ATP5F1B: variants seen among roughly 807,000 people sequenced by gnomAD.
The protein encoded by ATP5F1B is ATP synthase F1 subunit beta, also known as ATP synthase F(1) complex subunit beta, mitochondrial.
A neutral mutation model predicts 45.9 loss-of-function variants in ATP5F1B; 17 were observed. The observed-to-expected ratio is 0.37, with a 90% confidence interval of 0.25 to 0.56. The LOEUF is 0.56. Ranked by LOEUF, ATP5F1B falls within the 20% of genes least tolerant of loss-of-function variation. The probability of loss-of-function intolerance (pLI) is 0.80; values close to 1 mark genes in which losing one functional copy is unlikely to be tolerated. For missense variants in ATP5F1B, 387 were observed against 673.2 expected (o/e 0.57, Z 4.70); for synonymous variants, 218 against 256.5 (o/e 0.85, Z 1.43).
intron 9 of ATP5F1B, among the ~76,000 whole-genome samples, 182 bp downstream of exon 9, chr12:56,638,924 G>T (rs1017647533): frequency 6.6e-6 from 1 of 152,154 alleles, no homozygotes; most frequent in East Asian, 1.9e-4. Context: ...GGGAGCTAGA[G>T]AATCAAGTAA....
chr12:56,640,047 A>G lies in ATP5F1B; in HGVS notation c.1220T>C (p.Ile407Thr). ...ACTGCCAACAATGTTGGGATCCATG[A>G]TACGAGAGGTGGAGTCTAGAGGATC... is the stretch of plus-strand genomic sequence containing the variant. ...AVDPLDSTSRIMDPNIVGSEH... is the reference protein window; with the variant it reads ...AVDPLDSTSRTMDPNIVGSEH... Residue 407 changes from isoleucine to threonine, a missense_variant, in exon 8 of 10, where the codon ATC becomes ACC. This residue lies in a region of ATP5F1B where 154 missense variants were observed against 361.4 expected (regional missense o/e 0.43). Transcript: ENST00000262030. 6.2e-7 allele frequency: 1 copy of G among 1,613,982 alleles called. No homozygotes were observed. Among genetic ancestry groups the G allele is most frequent in the Non-Finnish European group, 8.5e-7 (1 of 1,179,998 alleles).
chr12:56,640,097 A>G lies in ATP5F1B; in HGVS notation c.1170T>C (p.Ala390=). ...DATTVLSRAI[A]ELGIYPAVDP... is the part of the protein sequence containing the mutation. ...CCACAGCTGGATAGATGCCCAGCTC[A>G]GCAATGGCACGCGACAGTACAGTGG... The change falls in exon 8 of 10, where the codon GCT becomes GCC. Residue 390 remains alanine (A), a synonymous_variant. Coordinates refer to ENST00000262030, the MANE Select transcript of ATP5F1B (RefSeq NM_001686.4). The G allele has an allele frequency of 6.2e-7, 1 of 1,614,138 alleles. No individual in the cohort carries two copies. The highest frequency in any genetic ancestry group is 8.5e-7 in the Non-Finnish European group (1 of 1,179,998).
chr12:56,643,786 G>GC, intron 4 of ATP5F1B, 51 bp downstream of exon 4: 1 of 1,609,630 alleles, frequency 6.2e-7, no homozygotes, highest in Non-Finnish European at 8.5e-7. Flanking sequence ...CATTGTATGA[G>GC]TTTTTCCTCC....
Position 56,638,466 on chromosome 12 carries a change from G to A in ATP5F1B, c.1490-43C>T, listed in dbSNP as rs370290566. 3,690 of 1,449,590 alleles carry A rather than the reference G, an allele frequency of 2.5e-3. 6 individuals are homozygous for A. The highest frequency in any genetic ancestry group is 7.1e-3 in the South Asian group (613 of 85,752). 89.8% of individuals were successfully genotyped at this position (1,449,590 alleles called of 1,614,324 possible). ...AAAAAAAAAAGAGTAAGAAGCGGAG[G>A]GATATCAACTTTCTGCATCATGTAA... On this transcript the variant is annotated intron_variant, in intron 9 of 9. Coordinates refer to ENST00000262030, the MANE Select transcript of ATP5F1B (RefSeq NM_001686.4).
At chr12:56,643,736 T>C in intron 4 of ATP5F1B, 101 bp downstream of exon 4, 1 of 1,579,392 alleles carries the variant, frequency 6.3e-7, no homozygotes, top group South Asian at 1.1e-5. Flanking sequence ...AGTCAGAACG[T>C]ACTCATCAGT....
intron 8 of ATP5F1B, 21 bp from the exon 9 acceptor site, chr12:56,639,328 G>T (rs1339366539): frequency 6.3e-7 from 1 of 1,594,610 alleles, no homozygotes; most frequent in Non-Finnish European, 8.6e-7. Flanking sequence ...AAAGAAGACT[G>T]AGTTAAGTAT....
Position 56,642,846 on chromosome 12 carries a change from C to T in ATP5F1B, c.793-15G>A, listed in dbSNP as rs748238894. The T allele has an allele frequency of 2.5e-6, 4 of 1,613,754 alleles. No homozygotes were observed. The highest frequency in any genetic ancestry group is 3.3e-5 in the Admixed American group (2 of 59,952). On this transcript the variant is annotated splice_polypyrimidine_tract_variant and intron_variant, in intron 5 of 9. Coordinates refer to ENST00000262030, the MANE Select transcript of ATP5F1B (RefSeq NM_001686.4). ...ACCAGCGCTACCTGCAGTAATCATA[C>T]ATAATCGTAAAACCTGACAAAGGAG...
At chr12:56,642,339 C>A (rs1951518471) in intron 7 of ATP5F1B, 119 bp downstream of exon 7, 1 of 1,422,246 alleles carries the variant, frequency 7.0e-7, no homozygotes, top group Admixed American at 2.0e-5. Flanking sequence ...AGCTTTGTTC[C>A]CCAGGCTGAT....
intron 7 of ATP5F1B, among the ~76,000 whole-genome samples, chr12:56,640,761 TG>T (rs1951505535): frequency 6.7e-6 from 1 of 149,732 alleles, no homozygotes; most frequent in Non-Finnish European, 1.5e-5. Context: ...AACAAGAGGC[TG>T]GGGGCCAGGC....
intron 7 of ATP5F1B, among the ~76,000 whole-genome samples, chr12:56,641,960 T>A (rs1951515377): frequency 6.6e-6 from 1 of 152,078 alleles, no homozygotes; most frequent in Non-Finnish European, 1.5e-5. Context: ...TAGAAACCAT[T>A]GCTTTGTGAT....
intron 1 of ATP5F1B, 59 bp from the exon 2 acceptor site, chr12:56,645,412 G>A (rs1951542227): frequency 3.3e-6 from 5 of 1,536,512 alleles, no homozygotes; most frequent in Admixed American, 1.9e-5. Flanking sequence ...GTCATCGGAA[G>A]CCAGGACTTA....
At chr12:56,641,122 T>C in intron 7 of ATP5F1B, among the ~76,000 whole-genome samples, 1 of 151,882 alleles carries the variant, frequency 6.6e-6, no homozygotes, top group Non-Finnish European at 1.5e-5. Context: ...CCCAACACTT[T>C]GGGAGGCTGA....
intron 8 of ATP5F1B, among the ~76,000 whole-genome samples, chr12:56,639,645 C>T (rs1951497513): frequency 6.6e-6 from 1 of 151,886 alleles, no homozygotes; most frequent in South Asian, 2.1e-4. Flanking sequence ...GTGGCGCGCA[C>T]CTGTAATCCC....
At chr12:56,643,309 A>G (rs1951526122) in intron 5 of ATP5F1B, 94 bp downstream of exon 5, 2 of 1,208,510 alleles carry the variant, frequency 1.7e-6, no homozygotes, top group East Asian at 5.3e-5. Context: ...TTAAAAAGAA[A>G]AAAAAATTAA....
chr12:56,638,984 G>T, intron 9 of ATP5F1B, 122 bp downstream of exon 9: 1 of 921,044 alleles, frequency 1.1e-6, no homozygotes, highest in Admixed American at 2.4e-5. Context: ...AAATCAATGG[G>T]TAAGTTTGTT....
intron 3 of ATP5F1B, among the ~76,000 whole-genome samples, chr12:56,644,388 A>T (rs1285125040): frequency 1.8e-5 from 1 of 55,446 alleles, no homozygotes; most frequent in African/African-American, 1.6e-4. Context: ...TGGGGGGGGA[A>T]TCACCCAAAA....
At chr12:56,643,115 C>T (rs1004442379) in intron 5 of ATP5F1B, 2 of 480,830 alleles carry the variant, frequency 4.2e-6, no homozygotes, top group Non-Finnish European at 7.2e-6. Context: ...CCAATCCAGC[C>T]CTCCCAAAAT....
intron 1 of ATP5F1B, 132 bp from the exon 2 acceptor site, chr12:56,645,485 T>G (rs1183484907): frequency 9.1e-7 from 1 of 1,099,134 alleles, no homozygotes; most frequent in Non-Finnish European, 1.3e-6. Context: ...GGAACGCGTG[T>G]CCAAGAGGGA....
chr12:56,639,436 TCA>T, intron 8 of ATP5F1B, 129 bp from the exon 9 acceptor site: 1 of 830,400 alleles, frequency 1.2e-6, no homozygotes, highest in Non-Finnish European at 1.9e-6. Context: ...CCAAGAAAGA[TCA>T]GTGTCTTGTT....
Sources: allele counts gnomAD v4.1 joint callset (sites outside exome capture counted in the v4.1 genomes callset), GRCh38; gene constraint gnomAD v4.1.1; regional missense constraint gnomAD v4.1.1; transcripts MANE v1.5; gene names NCBI Gene and HGNC (gene_info 2026-07-23, HGNC 2026-07-21).